The following CACUL1 variants were observed in gnomAD, a reference collection of about 807,000 sequenced individuals.
CACUL1 encodes CDK2 associated cullin domain 1, also known as CDK2-associated and cullin domain-containing protein 1.
CACUL1 carries 13 observed loss-of-function variants against 45.2 expected under a neutral mutation model. The observed-to-expected ratio is 0.29, with a 90% CI of 0.19 to 0.46. The LOEUF is 0.46. Ranked by LOEUF, CACUL1 falls within the 20% of genes least tolerant of loss-of-function variation. CACUL1 has a pLI of 1.00. For synonymous variants in CACUL1, 197 were observed against 174.2 expected, an observed-to-expected ratio of 1.13 and a Z score of -1.03; for missense variants, 421 against 471.4, an observed-to-expected ratio of 0.89 and a Z score of 0.99.
At chr10:118,704,415 G>A (rs1278891435) in intron 4 of CACUL1, among the ~76,000 whole-genome samples, 1 of 152,170 alleles carries the variant, frequency 6.6e-6, no homozygotes, top group Non-Finnish European at 1.5e-5. Context: ...AATATCAGGT[G>A]ATAGAGACAG....
At chr10:118,721,980 A>G (rs998337715) in intron 3 of CACUL1, among the ~76,000 whole-genome samples, 1 of 152,184 alleles carries the variant, frequency 6.6e-6, no homozygotes, top group Non-Finnish European at 1.5e-5. Flanking sequence ...TTTTATATCC[A>G]TCTATCCATG....
intron 1 of CACUL1, among the ~76,000 whole-genome samples, chr10:118,745,105 T>C: frequency 6.6e-6 from 1 of 152,202 alleles, no homozygotes; most frequent in Admixed American, 6.5e-5. Context: ...TATTAGATTT[T>C]TACATTATAA....
chr10:118,731,366 A>G (rs1222832896), intron 1 of CACUL1, among the ~76,000 whole-genome samples: 1 of 152,208 alleles, frequency 6.6e-6, no homozygotes, highest in African/African-American at 2.4e-5. Context: ...AAGCCTTCCC[A>G]GTATCTTTTT....
chr10:118,750,907 TAC>T (rs1357152144), intron 1 of CACUL1, among the ~76,000 whole-genome samples: 1 of 152,224 alleles, frequency 6.6e-6, no homozygotes, highest in Non-Finnish European at 1.5e-5. Context: ...GATACAGGCA[TAC>T]AGTGTGTAAT....
chr10:118,711,702 T>C (rs191781914), intron 3 of CACUL1, among the ~76,000 whole-genome samples: 17 of 152,366 alleles, frequency 1.1e-4, no homozygotes, highest in Admixed American at 7.8e-4. Context: ...TTGAATTCCT[T>C]GTTCAAGAAC....
chr10:118,689,457 C>A (rs1220344051), intron 7 of CACUL1, among the ~76,000 whole-genome samples: 1 of 152,186 alleles, frequency 6.6e-6, no homozygotes, highest in African/African-American at 2.4e-5. Context: ...ATTTTATCAT[C>A]CCTTGGAATA....
In CACUL1 at chr10:118,686,137, C is replaced by T. The variant is rs983482496; in HGVS notation, c.1101G>A (p.Gly367=). 1 of 1,611,992 alleles carries T rather than the reference C, an allele frequency of 6.2e-7. No homozygotes were observed. The highest frequency in any genetic ancestry group is 2.2e-5 in the East Asian group (1 of 44,864). ...NSSSACASSR[G]YR is the part of the protein sequence containing the mutation. Reference sequence around the variant, plus strand: ...ATATTCAATACATTCACTATCTGTACCCCCTGGAACTTGCACATGCTGACG... The same window carrying T: ...ATATTCAATACATTCACTATCTGTATCCCCTGGAACTTGCACATGCTGACG... Residue 367 remains glycine (G), a synonymous_variant, in exon 9 of 9, where the codon GGG becomes GGA. Coordinates refer to ENST00000369151, the MANE Select transcript of CACUL1 (RefSeq NM_153810.5).
chr10:118,677,862 G>A lies in CACUL1; in HGVS notation c.*8266C>T, dbSNP rs1845113081. 1 of 152,184 alleles carries A rather than the reference G, an allele frequency of 6.6e-6. No individual in the cohort carries two copies. The highest frequency in any genetic ancestry group is 2.4e-5 in the African/African-American group (1 of 41,444). The allele number at this position is 152,184 out of a possible 1,614,324, so 9.4% of individuals were successfully genotyped here. A position where few individuals can be genotyped will look rare whatever the true frequency, so the allele number is the denominator to read the frequency against. ...TACACATGCACATGAGTTTTTCTAA[G>A]TATAAATAGTGGGCTATTAAGAGGT... On this transcript the variant is annotated 3_prime_UTR_variant, in exon 9 of 9. Transcript: ENST00000369151.
At chr10:118,695,358 T>C (rs1845312657) in intron 5 of CACUL1, 128 bp from the exon 6 acceptor site, 3 of 619,302 alleles carry the variant, frequency 4.8e-6, no homozygotes, top group South Asian at 3.5e-5. Context: ...AATAAACCAA[T>C]CAAATGTTTA....
At chr10:118,736,180 G>T (rs751607632) in intron 1 of CACUL1, among the ~76,000 whole-genome samples, 1 of 152,078 alleles carries the variant, frequency 6.6e-6, no homozygotes, top group Non-Finnish European at 1.5e-5. Context: ...AAGAGGAATG[G>T]TCATAGAAAG....
rs542564214 is a variant in CACUL1, at chr10:118,743,598, G to A, written c.367+10798C>T. 1.4e-4 allele frequency among the ~76,000 whole-genome samples: 21 copies of A among 152,158 alleles called. 2 individuals carry two copies. The South Asian group carries it at 1.9e-3, about 14-fold the overall frequency. ...ACAAAAATTAGCCGGCCATGGTGGC[G>A]TTTGCCTGTAGTCCTAGCTATTCAG... On this transcript the variant is annotated intron_variant, in intron 1 of 8. Transcript: ENST00000369151.
intron 3 of CACUL1, among the ~76,000 whole-genome samples, chr10:118,719,352 CT>C (rs1405769855): frequency 6.6e-6 from 1 of 152,120 alleles, no homozygotes; most frequent in Non-Finnish European, 1.5e-5. Flanking sequence ...AAAAATCTGC[CT>C]TTAGATGACT....
chr10:118,745,784 T>C (rs1266130051), intron 1 of CACUL1, among the ~76,000 whole-genome samples: 1 of 151,906 alleles, frequency 6.6e-6, no homozygotes, highest in Non-Finnish European at 1.5e-5. Context: ...AGTAAAATGA[T>C]GGTAAAAGAT....
chr10:118,753,569 C>A (rs565088704), intron 1 of CACUL1, among the ~76,000 whole-genome samples: 10 of 152,356 alleles, frequency 6.6e-5, no homozygotes, highest in African/African-American at 2.4e-4. Context: ...CATTCTTTTC[C>A]TAGCTATGGA....
chr10:118,747,629 C>G (rs1080890), intron 1 of CACUL1, among the ~76,000 whole-genome samples: 1 of 148,058 alleles, frequency 6.8e-6, no homozygotes, highest in Non-Finnish European at 1.5e-5. Context: ...CTGACATATG[C>G]GAGAACGTGG....
chr10:118,731,999 G>A (rs545030528), intron 1 of CACUL1, among the ~76,000 whole-genome samples: 3 of 152,292 alleles, frequency 2.0e-5, no homozygotes, highest in East Asian at 1.9e-4. Context: ...ATGCACGTGC[G>A]CAAACATAAC....
intron 6 of CACUL1, chr10:118,692,352 T>G (rs1445558341): frequency 5.3e-5 from 8 of 152,126 alleles, no homozygotes; most frequent in Non-Finnish European, 1.5e-5. Context: ...AGAAAACACT[T>G]GCACCAGATA....
chr10:118,690,173 C>T (rs868629083), intron 7 of CACUL1, among the ~76,000 whole-genome samples: 76 of 151,844 alleles, frequency 5.0e-4, no homozygotes, highest in African/African-American at 1.7e-3. Flanking sequence ...CGGTGGCGGG[C>T]GCCTGTAGTC....
chr10:118,708,147 CAAAAA>C (rs34008762), intron 3 of CACUL1, among the ~76,000 whole-genome samples: 5 of 104,028 alleles, frequency 4.8e-5, no homozygotes, highest in Admixed American at 1.1e-4. Context: ...AACACTGTCT[CAAAAA>C]AAAAAAAAAA....
Sources: allele counts gnomAD v4.1 joint callset (sites outside exome capture counted in the v4.1 genomes callset), GRCh38; gene constraint gnomAD v4.1.1; transcripts MANE v1.5; gene names NCBI Gene and HGNC (gene_info 2026-07-23, HGNC 2026-07-21).